MVB12A: variants seen among roughly 807,000 people sequenced by gnomAD.
The protein encoded by MVB12A is multivesicular body subunit 12A.
MVB12A carries 30 observed loss-of-function variants against 34.3 expected under a neutral mutation model. That is an observed-to-expected ratio of 0.88 (90% CI 0.65 to 1.19). The LOEUF (loss-of-function observed/expected upper bound fraction) is 1.19, where lower values mean the gene tolerates loss of function less well. Ranked by LOEUF, MVB12A falls within the 50% of genes most tolerant of loss-of-function variation. The pLI is 0.00. For missense variants in MVB12A, 355 were observed against 369.2 expected (o/e 0.96, Z 0.31); for synonymous variants, 158 against 158.9 (o/e 0.99, Z 0.04).
upstream of MVB12A, among the ~76,000 whole-genome samples, chr19:17,416,379 G>A (rs1002733186): frequency 1.3e-5 from 2 of 149,472 alleles, no homozygotes. Context: ...CAAAGTGCTG[G>A]GATTACAGGC....
chr19:17,408,779 G>A (rs1915439336), intron 2 of MVB12A, among the ~76,000 whole-genome samples: 2 of 144,992 alleles, frequency 1.4e-5, no homozygotes, highest in Admixed American at 1.4e-4. Flanking sequence ...AATATATAAT[G>A]TATTTTTATA....
At chr19:17,412,664 C>T (rs2074776439) in intron 2 of MVB12A, among the ~76,000 whole-genome samples, 1 of 152,198 alleles carries the variant, frequency 6.6e-6, no homozygotes. Flanking sequence ...TCTCCATCAA[C>T]TCAGAGAAAA....
At position 17,420,204 on chromosome 19, in the gene MVB12A, C is replaced by G. The variant is rs745626383; in HGVS notation, c.69C>G (p.Pro23=). The part of the protein sequence containing the change: ...AGLAWSSASA[P]PPRGFSAISC... ...TGGCCTGGTCGTCGGCCTCTGCACCCCCGCCGCGGGGGTTCAGCGCGGTGA... is the reference window on the plus strand; with the variant it reads ...TGGCCTGGTCGTCGGCCTCTGCACCGCCGCCGCGGGGGTTCAGCGCGGTGA... Residue 23 remains proline, a synonymous_variant, in exon 1 of 9, where the codon CCC becomes CCG. Coordinates refer to ENST00000317040, the MANE Select transcript of MVB12A (RefSeq NM_138401.4). The G allele has an allele frequency of 3.4e-6, 5 of 1,471,714 alleles. No homozygotes were observed. In the Admixed American group the frequency reaches 1.3e-4, roughly 39 times the overall value. The allele number at this position is 1,471,714 out of a possible 1,614,324, so 91.2% of individuals were successfully genotyped here.
At chr19:17,420,257 G>C in intron 1 of MVB12A, 32 bp downstream of exon 1, 1 of 1,535,446 alleles carries the variant, frequency 6.5e-7, no homozygotes, top group Middle Eastern at 1.7e-4. Context: ...GGGTCGAATG[G>C]GGGAGGCAGT....
Position 17,425,032 on chromosome 19 carries a change from C to T in MVB12A, c.*39C>T, listed in dbSNP as rs759799346. The T allele has an allele frequency of 1.1e-5, 14 of 1,296,926 alleles. No homozygotes were observed. Among genetic ancestry groups the T allele is most frequent in the Admixed American group, 2.0e-5 (1 of 51,042 alleles). The allele number at this position is 1,296,926 out of a possible 1,614,324, so 80.3% of individuals were successfully genotyped here. On this transcript the variant is annotated 3_prime_UTR_variant, in exon 9 of 9. Transcript: ENST00000317040. ...CGCGGAAAGAGCCCCCTTACTCCAC[C>T]TCCCCGCCAGCCTGGGGCCACCCCC...
At chr19:17,410,224 G>A (rs1276811108) in intron 2 of MVB12A, among the ~76,000 whole-genome samples, 1 of 150,976 alleles carries the variant, frequency 6.6e-6, no homozygotes. Context: ...AGGCTGGAGC[G>A]CAGTGGTGCA....
chr19:17,420,676 C>A, intron 3 of MVB12A, 42 bp downstream of exon 3: 2 of 1,440,018 alleles, frequency 1.4e-6, no homozygotes, highest in Non-Finnish European at 2.0e-6. Context: ...GGGTCCCTTG[C>A]AGGGAGGAGC....
rs760808244 is a variant in MVB12A, at chr19:17,425,063, C to T, written c.*70C>T. 2.8e-4 allele frequency: 153 copies of T among 553,084 alleles called. No individual in the cohort carries two copies. The highest frequency in any genetic ancestry group is 3.9e-4 in the Non-Finnish European group (141 of 362,314). 34.3% of individuals were successfully genotyped at this position (553,084 alleles called of 1,614,324 possible). On this transcript the variant is annotated 3_prime_UTR_variant, in exon 9 of 9. Coordinates refer to ENST00000317040, the MANE Select transcript of MVB12A (RefSeq NM_138401.4). ...GCCAGCCTGGGGCCACCCCCCCTCA[C>T]TGCATCCTGGGGCCACCCCCACTCA...
At chr19:17,417,901 C>CTTTT, upstream of MVB12A, 1 of 238,110 alleles carries the variant, frequency 4.2e-6, no homozygotes. Flanking sequence ...CTTCTTCTTC[C>CTTTT]TTTTTTTTTT....
In MVB12A at chr19:17,420,077, G is replaced by C. The variant is rs1236008688; in HGVS notation, c.-59G>C. On this transcript the variant is annotated 5_prime_UTR_variant, in exon 1 of 9. Transcript: ENST00000317040. ...TCGGTCGCGAGCGCTGCCGTCGGGA[G>C]GCGCTCCGAGGTTCGAGGCTGTGCC... 1.7e-6 allele frequency: 2 copies of C among 1,199,984 alleles called. No individual in the cohort carries two copies. 74.3% of individuals were successfully genotyped at this position (1,199,984 alleles called of 1,614,324 possible).
At chr19:17,406,777 T>G (rs147342461) in intron 2 of MVB12A, among the ~76,000 whole-genome samples, 2 of 152,280 alleles carry the variant, frequency 1.3e-5, no homozygotes, top group Admixed American at 1.3e-4. Flanking sequence ...GCCACGGCAC[T>G]CAAGCCTGGG....
chr19:17,410,155 T>C (rs973593534), intron 2 of MVB12A, among the ~76,000 whole-genome samples: 1 of 152,070 alleles, frequency 6.6e-6, no homozygotes, highest in African/African-American at 2.4e-5. Flanking sequence ...GAAACTGTTA[T>C]GCTACCATTC....
At chr19:17,417,578 C>G (rs995056195), upstream of MVB12A, 5 of 151,216 alleles carry the variant, frequency 3.3e-5, no homozygotes, top group African/African-American at 1.2e-4. Context: ...TGCACTCCAG[C>G]CTGGGCAACA....
At chr19:17,408,679 T>G (rs941296399) in intron 2 of MVB12A, among the ~76,000 whole-genome samples, 16 of 151,222 alleles carry the variant, frequency 1.1e-4, no homozygotes, top group Admixed American at 9.2e-4. Context: ...ACTCCTGACC[T>G]CAGGTGATCT....
At position 17,423,766 on chromosome 19, in the gene MVB12A, A is replaced by G; in HGVS notation, c.607A>G (p.Ile203Val). The change falls in exon 6 of 9, where the codon ATC (isoleucine) becomes GTC (valine). Residue 203 changes from isoleucine to valine, a missense_variant. Transcript: ENST00000317040. Reference protein sequence around the residue: ...RASTLRRNDSIYEASSLYGIS... With the variant: ...RASTLRRNDSVYEASSLYGIS... Reference sequence around the variant, plus strand: ...ATCCACTCTGCGGAGGAATGACTCCATCTACGAGGCCTCCAGCCTCTATGG... The same window carrying G: ...ATCCACTCTGCGGAGGAATGACTCCGTCTACGAGGCCTCCAGCCTCTATGG... 1 of 1,614,006 alleles carries G rather than the reference A, an allele frequency of 6.2e-7. No individual in the cohort carries two copies. The highest frequency in any genetic ancestry group is 8.5e-7 in the Non-Finnish European group (1 of 1,179,924).
intron 2 of MVB12A, chr19:17,406,464 G>A (rs889796709): frequency 6.6e-6 from 1 of 152,154 alleles, no homozygotes; most frequent in African/African-American, 2.4e-5. Flanking sequence ...TGTTTTTCTT[G>A]TGGCTTCTTC....
chr19:17,419,889 CT>C (rs36088655), upstream of MVB12A: 77 of 372,624 alleles, frequency 2.1e-4, no homozygotes, highest in Middle Eastern at 6.8e-4. Context: ...CCGGCAAGAC[CT>C]TTTTTTCCGC....
rs1185077317 is a variant in MVB12A at position 17,410,529 on chromosome 19, T to TACACACACACACACACACACAC, written c.-5+4244_-5+4245insCACACACACACACACACACACA. ...ATATATATATATATATATATATATA[T>TACACACACACACACACACACAC]ACACACACACATATATATATACACA... On this transcript the variant is annotated intron_variant, in intron 2 of 6. Transcript: ENST00000528604. Among the ~76,000 whole-genome samples the TACACACACACACACACACACAC allele has an allele frequency of 7.4e-4, 55 of 74,304 alleles. 1 individual carries two copies. Among genetic ancestry groups the TACACACACACACACACACACAC allele is most frequent in the African/African-American group, 1.1e-3 (17 of 15,062 alleles). 48.7% of individuals were successfully genotyped at this position (74,304 alleles called of 152,430 possible).
intron 2 of MVB12A, 50 bp downstream of exon 2, chr19:17,420,461 C>T (rs756433414): frequency 1.3e-6 from 2 of 1,596,362 alleles, no homozygotes; most frequent in East Asian, 2.2e-5. Context: ...ACCTCCCCTG[C>T]CCATTCACGG....
Sources: allele counts gnomAD v4.1 joint callset (sites outside exome capture counted in the v4.1 genomes callset), GRCh38; gene constraint gnomAD v4.1.1; transcripts MANE v1.5; gene names NCBI Gene and HGNC (gene_info 2026-07-23, HGNC 2026-07-21).